The following XIRP2 variants were observed in gnomAD, a reference collection of about 807,000 sequenced individuals.
XIRP2 encodes xin actin-binding repeat-containing protein 2.
XIRP2 carries 236 observed loss-of-function variants against 277.0 expected under a neutral mutation model. The observed-to-expected ratio is 0.85, with a 90% CI of 0.77 to 0.95. The LOEUF (loss-of-function observed/expected upper bound fraction) is 0.95, where lower values mean the gene tolerates loss of function less well. Among genes scored for constraint, XIRP2 ranks in the 40% least tolerant of loss-of-function variants. XIRP2 has a pLI of 0.00. For missense variants in XIRP2, 4,640 were observed against 4,157.5 expected (o/e 1.12, Z -3.19); for synonymous variants, 1,490 against 1,416.5 (o/e 1.05, Z -1.17).
At chr2:167,256,108 G>A (rs905695429) in intron 10 of XIRP2, among the ~76,000 whole-genome samples, 10 of 151,436 alleles carry the variant, frequency 6.6e-5, no homozygotes, top group African/African-American at 2.4e-4. Context: ...TTCTTCACTA[G>A]TGTCAGTTAC....
At chr2:167,160,501 A>T (rs1205336474) in intron 3 of XIRP2, among the ~76,000 whole-genome samples, 1 of 152,194 alleles carries the variant, frequency 6.6e-6, no homozygotes, top group Non-Finnish European at 1.5e-5. Context: ...GAAGCCTCAA[A>T]ATCATGGCAA....
intron 2 of XIRP2, among the ~76,000 whole-genome samples, chr2:167,127,629 CTT>C (rs1381128268): frequency 6.6e-6 from 1 of 152,196 alleles, no homozygotes; most frequent in Non-Finnish European, 1.5e-5. Flanking sequence ...AGCCCTAAAT[CTT>C]TCACTCCAGT....
At chr2:166,994,695 A>C (rs1448697156) in intron 2 of XIRP2, among the ~76,000 whole-genome samples, 2 of 134,014 alleles carry the variant, frequency 1.5e-5, no homozygotes, top group Non-Finnish European at 3.2e-5. Context: ...TATCAAAAAA[A>C]AAAAAAACTT....
intron 2 of XIRP2, among the ~76,000 whole-genome samples, chr2:166,985,424 A>G (rs1686976497): frequency 6.6e-6 from 1 of 151,940 alleles, no homozygotes; most frequent in Non-Finnish European, 1.5e-5. Context: ...ATCTTAATCT[A>G]AAAATCTTTT....
chr2:166,931,589 A>G (rs957778857), intron 2 of XIRP2, among the ~76,000 whole-genome samples: 3 of 152,146 alleles, frequency 2.0e-5, no homozygotes, highest in Admixed American at 6.5e-5. Flanking sequence ...GTTACTGTGT[A>G]TAAAAGTAGT....
chr2:166,998,481 C>CA (rs1475994058), intron 2 of XIRP2, among the ~76,000 whole-genome samples: 2 of 151,736 alleles, frequency 1.3e-5, no homozygotes, highest in South Asian at 2.1e-4. Context: ...ACTAAAAATA[C>CA]AAAAAATTAG....
chr2:167,243,298 A>C lies in XIRP2; in HGVS notation c.1906A>C (p.Thr636Pro). The C allele has an allele frequency of 2.5e-6, 4 of 1,613,718 alleles. No homozygotes were observed. Among genetic ancestry groups the C allele is most frequent in the Non-Finnish European group, 3.4e-6 (4 of 1,179,798 alleles). ...CACACTTGGGGCTTATTCTTCTGAC[A>C]CTGTAGAAAATGCAGAGAAAATTCC... ...IDTLGAYSSD[T>P]VENAEKIPEL... The change falls in exon 9 of 11, where the codon ACT becomes CCT. Residue 636 changes from threonine to proline, a missense_variant. Transcript: ENST00000409195.
chr2:166,907,791 T>A (rs1454757303), intron 2 of XIRP2, among the ~76,000 whole-genome samples: 1 of 106,022 alleles, frequency 9.4e-6, no homozygotes, highest in Non-Finnish European at 1.7e-5. Flanking sequence ...CAGGCCCCAG[T>A]GTGTGATGTT....
intron 7 of XIRP2, among the ~76,000 whole-genome samples, chr2:167,241,553 C>T (rs1035910619): frequency 6.6e-6 from 1 of 152,044 alleles, no homozygotes; most frequent in African/African-American, 2.4e-5. Flanking sequence ...TGAGAAGTTT[C>T]CCATAGCATT....
Position 167,245,731 on chromosome 2 carries a change from G to A in XIRP2, c.4339G>A (p.Gly1447Ser). 1.9e-6 allele frequency: 3 copies of A among 1,613,578 alleles called. No homozygotes were observed. The highest frequency in any genetic ancestry group is 2.2e-5 in the South Asian group (2 of 91,058). ...RTVSVNEIQK[G>S]NVKTSTWLFE... is the part of the protein sequence containing the mutation. Reference sequence around the variant, plus strand: ...AGTAAGTGTCAATGAAATACAAAAGGGCAATGTTAAAACATCTACTTGGCT... The same window carrying A: ...AGTAAGTGTCAATGAAATACAAAAGAGCAATGTTAAAACATCTACTTGGCT... Residue 1447 changes from glycine (G) to serine (S), a missense_variant, in exon 9 of 11, where the codon GGC becomes AGC. Transcript: ENST00000409195.
intron 3 of XIRP2, among the ~76,000 whole-genome samples, chr2:167,137,694 AAC>A (rs1691594328): frequency 6.6e-6 from 1 of 152,210 alleles, no homozygotes; most frequent in Admixed American, 6.5e-5. Flanking sequence ...ATTTAAAAGT[AAC>A]CTCAAATACA....
intron 2 of XIRP2, among the ~76,000 whole-genome samples, chr2:167,097,425 C>CT (rs1295332392): frequency 3.3e-5 from 5 of 152,006 alleles, no homozygotes; most frequent in Non-Finnish European, 5.9e-5. Context: ...TCCTCCATCC[C>CT]TTTTTTTGAG....
intron 3 of XIRP2, among the ~76,000 whole-genome samples, chr2:167,191,743 G>A (rs1486192583): frequency 6.6e-6 from 1 of 151,856 alleles, no homozygotes; most frequent in Non-Finnish European, 1.5e-5. Context: ...CTCTTTTTTT[G>A]GCAGGCCTTC....
At chr2:166,997,694 C>G (rs551547506) in intron 2 of XIRP2, among the ~76,000 whole-genome samples, 1 of 152,172 alleles carries the variant, frequency 6.6e-6, no homozygotes, top group African/African-American at 2.4e-5. Context: ...ATCACTAGGT[C>G]AAGAGCTCAA....
intron 2 of XIRP2, among the ~76,000 whole-genome samples, chr2:167,035,550 G>A (rs138837549): frequency 0.036 from 5,409 of 152,268 alleles, 112 homozygotes; most frequent in East Asian, 0.054. Context: ...TTTCTAAGCA[G>A]CAAAGCATTC....
chr2:166,967,895 C>G (rs943364842), intron 2 of XIRP2, among the ~76,000 whole-genome samples: 1 of 151,908 alleles, frequency 6.6e-6, no homozygotes, highest in African/African-American at 2.4e-5. Flanking sequence ...TTTAGCCAAT[C>G]TCTTAAGAGG....
intron 2 of XIRP2, among the ~76,000 whole-genome samples, chr2:166,986,927 A>G (rs1687022191): frequency 6.6e-6 from 1 of 152,230 alleles, no homozygotes; most frequent in African/African-American, 2.4e-5. Context: ...TTTTTCCAAG[A>G]AATATATTAT....
intron 2 of XIRP2, among the ~76,000 whole-genome samples, chr2:167,128,624 T>TA (rs1691281518): frequency 6.6e-6 from 1 of 152,154 alleles, no homozygotes; most frequent in Non-Finnish European, 1.5e-5. Flanking sequence ...AGCTGACAGA[T>TA]ATATGTATCT....
intron 2 of XIRP2, among the ~76,000 whole-genome samples, chr2:167,103,813 A>G (rs1048974171): frequency 3.3e-5 from 5 of 152,236 alleles, no homozygotes; most frequent in African/African-American, 4.8e-5. Flanking sequence ...TTCTCTTTAC[A>G]GAAAAAAAAA....
Sources: allele counts gnomAD v4.1 joint callset (sites outside exome capture counted in the v4.1 genomes callset), GRCh38; gene constraint gnomAD v4.1.1; transcripts MANE v1.5; gene names NCBI Gene and HGNC (gene_info 2026-07-23, HGNC 2026-07-21).